Variants in PUM2 observed in about 807,000 individuals in gnomAD.
The protein encoded by PUM2 is pumilio RNA binding family member 2.
In PUM2, 57 loss-of-function variants were observed where a neutral mutation model predicts 124.5. That is an observed-to-expected ratio of 0.46 (90% CI 0.37 to 0.57). PUM2 has a LOEUF of 0.57. PUM2 is among the 20% of genes least tolerant of loss of function. The pLI is 0.00. For missense variants in PUM2, 1,065 were observed against 1,290.6 expected (o/e 0.83, Z 2.68); for synonymous variants, 460 against 446.1 (o/e 1.03, Z -0.39).
chr2:20,326,342 GC>G, intron 2 of PUM2: 2 of 1,304,104 alleles, frequency 1.5e-6, no homozygotes, highest in Non-Finnish European at 2.0e-6. Flanking sequence ...GCTGCAGGGT[GC>G]CCTCTTGTGG....
chr2:20,331,561 G>C (rs911500598), intron 1 of PUM2, among the ~76,000 whole-genome samples: 2 of 148,514 alleles, frequency 1.3e-5, no homozygotes, highest in African/African-American at 5.0e-5. Context: ...CAAGAAGGTA[G>C]TCAATGTGGG....
At chr2:20,269,712 G>C (rs953174765) in intron 13 of PUM2, among the ~76,000 whole-genome samples, 23 of 152,072 alleles carry the variant, frequency 1.5e-4, no homozygotes, top group Non-Finnish European at 1.5e-5. Flanking sequence ...CAAATTACAA[G>C]CCAAGTGTTC....
At chr2:20,268,362 A>G (rs1558508141) in intron 13 of PUM2, among the ~76,000 whole-genome samples, 1 of 152,258 alleles carries the variant, frequency 6.6e-6, no homozygotes, top group African/African-American at 2.4e-5. Context: ...CTGTAATCCC[A>G]GCACTTTGGG....
chr2:20,255,560 A>G (rs1306696254), intron 17 of PUM2, among the ~76,000 whole-genome samples: 2 of 152,146 alleles, frequency 1.3e-5, no homozygotes, highest in African/African-American at 2.4e-5. Flanking sequence ...TATTTTGATC[A>G]AAAGGAACCT....
intron 13 of PUM2, among the ~76,000 whole-genome samples, chr2:20,268,301 G>C (rs1362089021): frequency 6.6e-6 from 1 of 152,134 alleles, no homozygotes; most frequent in Non-Finnish European, 1.5e-5. Flanking sequence ...TTTTCAACTA[G>C]TAATTGCAAA....
intron 13 of PUM2, among the ~76,000 whole-genome samples, chr2:20,273,381 A>T (rs543839301): frequency 7.3e-4 from 111 of 152,198 alleles, no homozygotes; most frequent in Admixed American, 1.4e-3. Context: ...TCTGATGCCA[A>T]AACACAGGAT....
intron 1 of PUM2, among the ~76,000 whole-genome samples, chr2:20,335,441 G>A (rs1250798342): frequency 1.3e-5 from 2 of 152,170 alleles, no homozygotes; most frequent in South Asian, 4.1e-4. Flanking sequence ...GAGACCATTA[G>A]CCTTTAAAGA....
intron 8 of PUM2, among the ~76,000 whole-genome samples, chr2:20,295,929 T>G (rs1675419988): frequency 6.6e-6 from 1 of 152,202 alleles, no homozygotes; most frequent in South Asian, 2.1e-4. Flanking sequence ...CTAGAAAACT[T>G]AAGTCCAAAA....
In PUM2 at chr2:20,249,809, C is replaced by G. The variant is rs1299526426; in HGVS notation, c.*1776G>C. The G allele has an allele frequency of 6.6e-6, 1 of 152,602 alleles. No individual in the cohort carries two copies. The highest frequency in any genetic ancestry group is 1.9e-4 in the East Asian group (1 of 5,206). 9.5% of individuals were successfully genotyped at this position (152,602 alleles called of 1,614,324 possible). On this transcript the variant is annotated 3_prime_UTR_variant, in exon 21 of 21. Transcript: ENST00000361078. Reference sequence around the variant, plus strand: ...ACAAAATACAAAGCACTTTCTTTATCTTTCAGAAACTGAATATACACAGCA... The same window carrying G: ...ACAAAATACAAAGCACTTTCTTTATGTTTCAGAAACTGAATATACACAGCA...
At chr2:20,317,135 T>C (rs1308771020) in intron 3 of PUM2, among the ~76,000 whole-genome samples, 1 of 151,944 alleles carries the variant, frequency 6.6e-6, no homozygotes, top group East Asian at 1.9e-4. Flanking sequence ...AGCTTGAGAC[T>C]GCAGCGAGCT....
At chr2:20,306,844 T>C (rs973487307) in intron 7 of PUM2, among the ~76,000 whole-genome samples, 1 of 151,504 alleles carries the variant, frequency 6.6e-6, no homozygotes. Flanking sequence ...TGACCTCAGG[T>C]GATCCACCTG....
chr2:20,320,241 T>G (rs1681973345), intron 2 of PUM2, among the ~76,000 whole-genome samples: 1 of 152,052 alleles, frequency 6.6e-6, no homozygotes, highest in African/African-American at 2.4e-5. Context: ...AGAGTGAGAC[T>G]GTCTCAAAAA....
intron 7 of PUM2, among the ~76,000 whole-genome samples, chr2:20,305,159 CAAT>C (rs1677909073): frequency 6.6e-6 from 1 of 151,890 alleles, no homozygotes; most frequent in Admixed American, 6.6e-5. Context: ...TACGTAAGTC[CAAT>C]ATTATTAAAA....
intron 3 of PUM2, among the ~76,000 whole-genome samples, chr2:20,314,060 C>A (rs995265501): frequency 1.3e-5 from 2 of 152,030 alleles, no homozygotes; most frequent in African/African-American, 4.8e-5. Context: ...GTGGAAGGAT[C>A]ACCTGAGCCC....
intron 1 of PUM2, among the ~76,000 whole-genome samples, chr2:20,341,334 C>CA (rs570539860): frequency 6.6e-6 from 1 of 151,940 alleles, no homozygotes; most frequent in Non-Finnish European, 1.5e-5. Context: ...AAAAATAAGC[C>CA]AAACTCAACA....
intron 9 of PUM2, among the ~76,000 whole-genome samples, chr2:20,293,224 A>G (rs1226633824): frequency 6.6e-6 from 1 of 152,242 alleles, no homozygotes; most frequent in Non-Finnish European, 1.5e-5. Flanking sequence ...AATTTTAAAC[A>G]ACTCAGGACA....
intron 1 of PUM2, among the ~76,000 whole-genome samples, chr2:20,344,655 C>T (rs1362301767): frequency 1.3e-5 from 2 of 152,128 alleles, no homozygotes; most frequent in Admixed American, 1.3e-4. Flanking sequence ...TGCCACCTCA[C>T]CCATCTCGGG....
intron 12 of PUM2, among the ~76,000 whole-genome samples, 183 bp downstream of exon 12, chr2:20,282,762 AGT>A (rs1671828071): frequency 6.6e-6 from 1 of 152,224 alleles, no homozygotes; most frequent in Non-Finnish European, 1.5e-5. Flanking sequence ...GCCTATAGTG[AGT>A]TAAACATTGG....
At chr2:20,256,426 T>TA (rs1273548498) in intron 16 of PUM2, among the ~76,000 whole-genome samples, 2 of 152,178 alleles carry the variant, frequency 1.3e-5, no homozygotes, top group Non-Finnish European at 2.9e-5. Context: ...TGCAGGATTA[T>TA]AATGTAAATG....
Sources: allele counts gnomAD v4.1 joint callset (sites outside exome capture counted in the v4.1 genomes callset), GRCh38; gene constraint gnomAD v4.1.1; transcripts MANE v1.5; gene names NCBI Gene and HGNC (gene_info 2026-07-23, HGNC 2026-07-21).